Variants in IDO2 observed in about 807,000 individuals in gnomAD.
IDO2 encodes the protein indoleamine 2,3-dioxygenase 2.
In IDO2, 46 loss-of-function variants were observed where a neutral mutation model predicts 45.1. The ratio of observed to expected loss-of-function variants is 1.02; its 90% CI spans 0.80 to 1.30. The LOEUF (loss-of-function observed/expected upper bound fraction) is 1.30, where lower values mean the gene tolerates loss of function less well. Ranked by LOEUF, IDO2 falls within the 50% of genes most tolerant of loss-of-function variation. The pLI is 0.00. For missense variants in IDO2, 544 were observed against 491.8 expected, an observed-to-expected ratio of 1.11 and a Z score of -1.00; for synonymous variants, 218 against 184.9, an observed-to-expected ratio of 1.18 and a Z score of -1.45.
chr8:39,982,870 G>T (rs113319311), intron 5 of IDO2, 100 bp downstream of exon 5: 7 of 764,810 alleles, frequency 9.2e-6, no homozygotes, highest in African/African-American at 5.3e-5. Flanking sequence ...ATGGTCTGCC[G>T]TATGGTTCCA....
chr8:40,004,568 C>CGATA (rs1259604177), intron 8 of IDO2, among the ~76,000 whole-genome samples: 78 of 149,000 alleles, frequency 5.2e-4, no homozygotes, highest in Admixed American at 1.3e-3. Flanking sequence ...GATAGATAGA[C>CGATA]GATAGATAGA....
intron 1 of IDO2, among the ~76,000 whole-genome samples, chr8:39,941,946 A>C (rs1807649408): frequency 6.6e-6 from 1 of 152,000 alleles, no homozygotes; most frequent in African/African-American, 2.4e-5. Flanking sequence ...AAAATTAGCC[A>C]AGCATGGTGG....
intron 1 of IDO2, among the ~76,000 whole-genome samples, chr8:39,946,839 T>A (rs1807739354): frequency 1.3e-5 from 2 of 151,934 alleles, no homozygotes; most frequent in African/African-American, 2.4e-5. Context: ...CTTATCTTAG[T>A]GGTAGGGTCC....
At chr8:39,942,522 A>C (rs55818481) in intron 1 of IDO2, among the ~76,000 whole-genome samples, 63,009 of 151,958 alleles carry the variant, frequency 0.41, 13,249 homozygotes, top group East Asian at 0.59. Flanking sequence ...CACTTATAGT[A>C]CCAACTACTC....
intron 10 of IDO2, among the ~76,000 whole-genome samples, chr8:40,015,013 G>A (rs1213521549): frequency 6.6e-6 from 1 of 152,028 alleles, no homozygotes; most frequent in African/African-American, 2.4e-5. Context: ...AATATTAGCT[G>A]GGTGTGGTGG....
At chr8:39,989,361 C>T (rs1808468288) in intron 7 of IDO2, among the ~76,000 whole-genome samples, 1 of 152,002 alleles carries the variant, frequency 6.6e-6, no homozygotes, top group Non-Finnish European at 1.5e-5. Flanking sequence ...AGATTTAAAT[C>T]TGACTTTATA....
At chr8:39,995,251 C>CTTCTTCTTCTTCTTCTTCCTCTT (rs1554548609) in intron 8 of IDO2, 1 of 78,030 alleles carries the variant, frequency 1.3e-5, no homozygotes, top group South Asian at 5.7e-4. Flanking sequence ...TTCTCCTTCT[C>CTTCTTCTTCTTCTTCTTCCTCTT]CTTCTTCTTC....
At chr8:39,947,944 C>T (rs999727204) in intron 1 of IDO2, among the ~76,000 whole-genome samples, 4 of 152,082 alleles carry the variant, frequency 2.6e-5, no homozygotes, top group Middle Eastern at 3.2e-3. Flanking sequence ...TGCGCCACCA[C>T]GCTCGGCTAA....
At chr8:39,946,478 G>C (rs998007441) in intron 1 of IDO2, among the ~76,000 whole-genome samples, 1 of 152,122 alleles carries the variant, frequency 6.6e-6, no homozygotes, top group Non-Finnish European at 1.5e-5. Flanking sequence ...ATGGTGGCAC[G>C]CACCTGTAGT....
chr8:39,999,053 A>T (rs1196891409), intron 8 of IDO2, among the ~76,000 whole-genome samples: 1 of 152,004 alleles, frequency 6.6e-6, no homozygotes, highest in Non-Finnish European at 1.5e-5. Flanking sequence ...CCCCTCTAAA[A>T]GTTGCTTTAT....
At chr8:39,993,157 G>A (rs546701479) in intron 8 of IDO2, among the ~76,000 whole-genome samples, 14 of 152,132 alleles carry the variant, frequency 9.2e-5, no homozygotes, top group African/African-American at 2.6e-4. Context: ...AGCCAGATCT[G>A]AGCTTTCTGA....
At chr8:39,943,371 AAAAC>A (rs770460594) in intron 1 of IDO2, among the ~76,000 whole-genome samples, 97 of 152,216 alleles carry the variant, frequency 6.4e-4, no homozygotes, top group Non-Finnish European at 1.1e-3. Context: ...ACTATCTCAA[AAAAC>A]AAACAAACAC....
Position 39,982,720 on chromosome 8 carries a change from G to A in IDO2, c.384G>A (p.Leu128=), listed in dbSNP as rs776799430. 4.3e-6 allele frequency: 7 copies of A among 1,610,002 alleles called. No individual in the cohort carries two copies. In the Admixed American group the frequency reaches 1.2e-4, roughly 27 times the overall value. Residue 128 remains leucine, a synonymous_variant, in exon 5 of 11, where the codon CTG becomes CTA. Coordinates refer to ENST00000502986, the Ensembl canonical transcript of IDO2. The stretch of plus-strand genomic sequence containing the variant: ...GGAACTTGGGGCTCCCTCCTATCCT[G>A]GTCCACTCAGACTTGGTGCTGACGA...
intron 3 of IDO2, among the ~76,000 whole-genome samples, chr8:39,965,198 G>A (rs1485541087): frequency 6.6e-6 from 1 of 152,152 alleles, no homozygotes; most frequent in South Asian, 2.1e-4. Context: ...ATTTGTACTG[G>A]GTTTAGGCTG....
At chr8:40,008,540 A>G (rs918676429) in intron 9 of IDO2, among the ~76,000 whole-genome samples, 2 of 152,228 alleles carry the variant, frequency 1.3e-5, no homozygotes, top group Admixed American at 6.5e-5. Context: ...CCCCTTTGCC[A>G]TAATATATCA....
rs754994652 is a variant in IDO2 at position 40,005,410 on chromosome 8, A to C, written c.719+32A>C. Reference sequence around the variant, plus strand: ...ATAGTTCAGTTGTTTTCCTGTGTGAAGTCTCTGTAGCATTGACTGAATGTA... The same window carrying C: ...ATAGTTCAGTTGTTTTCCTGTGTGACGTCTCTGTAGCATTGACTGAATGTA... On this transcript the variant is annotated intron_variant, in intron 9 of 10. Transcript: ENST00000502986. The C allele has an allele frequency of 2.1e-6, 3 of 1,426,196 alleles. No individual in the cohort carries two copies. The East Asian group carries it at 6.9e-5, about 33-fold the overall frequency. 88.3% of individuals were successfully genotyped at this position (1,426,196 alleles called of 1,614,324 possible). A position where few individuals can be genotyped will look rare whatever the true frequency, so the allele number is the denominator to read the frequency against.
At chr8:40,005,016 C>T (rs1169258381) in intron 8 of IDO2, among the ~76,000 whole-genome samples, 2 of 152,172 alleles carry the variant, frequency 1.3e-5, no homozygotes, top group African/African-American at 2.4e-5. Flanking sequence ...TTTTCTCAAA[C>T]ATTGCCTGTT....
chr8:39,936,904 G>C (rs1464992426), intron 1 of IDO2, among the ~76,000 whole-genome samples: 1 of 152,154 alleles, frequency 6.6e-6, no homozygotes, highest in African/African-American at 2.4e-5. Flanking sequence ...GCAGTGTTAG[G>C]CCCCTAAGGC....
chr8:40,004,021 CTT>C lies in IDO2; in HGVS notation c.668-1303_668-1302del, dbSNP rs1185803575. Among the ~76,000 whole-genome samples the C allele has an allele frequency of 2.0e-5, 3 of 152,284 alleles. No individual in the cohort carries two copies. In the East Asian group the frequency reaches 5.8e-4, roughly 29 times the overall value. On this transcript the variant is annotated intron_variant, in intron 8 of 10. Transcript: ENST00000502986. ...CACACCTATTGAAATGGTCATTTCA[CTT>C]TTCCTTCTTTAATATGTTAAGTTGG...
Sources: allele counts gnomAD v4.1 joint callset (sites outside exome capture counted in the v4.1 genomes callset), GRCh38; gene constraint gnomAD v4.1.1; transcripts MANE v1.5; gene names NCBI Gene and HGNC (gene_info 2026-07-23, HGNC 2026-07-21).